RBBP7: variants seen among roughly 807,000 people sequenced by gnomAD.
RBBP7 encodes the protein histone-binding protein RBBP7.
A neutral mutation model predicts 35.2 loss-of-function variants in RBBP7; 5 were observed. The observed-to-expected ratio is 0.14, with a 90% CI of 0.07 to 0.30. The LOEUF (loss-of-function observed/expected upper bound fraction) is 0.30, where lower values mean the gene tolerates loss of function less well. Ranked by LOEUF, RBBP7 falls within the 10% of genes least tolerant of loss-of-function variation. The pLI, the probability that RBBP7 is intolerant of heterozygous loss-of-function variation, is 1.00. For synonymous variants in RBBP7, 140 were observed against 118.7 expected, an observed-to-expected ratio of 1.18 and a Z score of -1.17; for missense variants, 155 against 327.5, an observed-to-expected ratio of 0.47 and a Z score of 4.07.
intron 4 of RBBP7, 83 bp downstream of exon 4, chrX:16,858,593 G>A (rs1463480362): frequency 1.8e-6 from 2 of 1,134,419 alleles, no homozygotes; most frequent in African/African-American, 1.8e-5. Flanking sequence ...ATATTATAAA[G>A]TATGCTACTT....
intron 2 of RBBP7, among the ~76,000 whole-genome samples, chrX:16,864,663 G>A (rs938784382): frequency 9.1e-6 from 1 of 109,977 alleles, no homozygotes. Context: ...TGTATGTAGG[G>A]GGCAATGCAC....
chrX:16,869,820 C>A (rs1298738575), intron 1 of RBBP7: 10 of 901,909 alleles, frequency 1.1e-5, no homozygotes, highest in Non-Finnish European at 1.4e-5. Flanking sequence ...AGAGGGGGGC[C>A]CAGCCCTCGG....
intron 4 of RBBP7, among the ~76,000 whole-genome samples, chrX:16,858,393 AG>A (rs773942157): frequency 1.8e-5 from 2 of 111,754 alleles, no homozygotes; most frequent in African/African-American, 6.5e-5. Flanking sequence ...CTGGATGGGA[AG>A]GACTCAGACG....
intron 2 of RBBP7, among the ~76,000 whole-genome samples, chrX:16,864,262 G>A (rs773661387): frequency 9.0e-6 from 1 of 110,998 alleles, no homozygotes; most frequent in South Asian, 3.8e-4. Flanking sequence ...GCTCACGCCT[G>A]TAATCCCAGC....
intron 10 of RBBP7, chrX:16,846,180 G>A (rs5969728): frequency 0.48 from 147,002 of 306,166 alleles, 29,292 homozygotes; most frequent in East Asian, 0.89. Flanking sequence ...TTCACCAAGT[G>A]ATACTAGCAT....
chrX:16,858,555 A>T, intron 4 of RBBP7, 121 bp downstream of exon 4: 1 of 1,041,877 alleles, frequency 9.6e-7, no homozygotes, highest in Non-Finnish European at 1.3e-6. Context: ...TGGTTATGGG[A>T]CCCCCAAAGC....
At position 16,845,774 on chromosome X, in the gene RBBP7, G is replaced by C; in HGVS notation, c.1209+54C>G. ...GAAATAACTTTATTACATTATGTAA[G>C]TAGTAAATCTCTCCTTTACAAGACA... On this transcript the variant is annotated intron_variant, in intron 11 of 11. Coordinates refer to ENST00000380087, the MANE Select transcript of RBBP7 (RefSeq NM_002893.4). 2.6e-6 allele frequency: 3 copies of C among 1,166,993 alleles called. No individual in the cohort carries two copies. The South Asian group carries it at 6.0e-5, about 23-fold the overall frequency.
chrX:16,857,691 T>C lies in RBBP7; in HGVS notation c.500A>G (p.Asn167Ser). 2 of 1,197,919 alleles carry C rather than the reference T, an allele frequency of 1.7e-6. No individual in the cohort carries two copies. Among genetic ancestry groups the C allele is most frequent in the Non-Finnish European group, 2.2e-6 (2 of 891,589 alleles). The change falls in exon 5 of 12, where the codon AAT becomes AGT. Residue 167 changes from asparagine to serine, a missense_variant. Around this residue, in one of 3 missense-constraint regions of RBBP7, gnomAD observed 79 missense variants for 220.8 expected, o/e 0.36. Transcript: ENST00000380087. ...GTGACCTCTTAATCTGAGATCAGGA[T>C]TACATTCTCCACTTGGGTCTAAGAA... ...PAKPDPSGECNPDLRLRGHQK... is the reference protein window; with the variant it reads ...PAKPDPSGECSPDLRLRGHQK...
At chrX:16,864,659 T>C (rs1047226056) in intron 2 of RBBP7, among the ~76,000 whole-genome samples, 4 of 110,498 alleles carry the variant, frequency 3.6e-5, no homozygotes, top group African/African-American at 1.3e-4. Context: ...TATATGTATG[T>C]AGGGGGCAAT....
chrX:16,861,228 T>C (rs1306306956), intron 3 of RBBP7, among the ~76,000 whole-genome samples: 1 of 112,552 alleles, frequency 8.9e-6, no homozygotes, highest in African/African-American at 3.2e-5. Flanking sequence ...AAATAATGCA[T>C]ACAGTTGTCG....
At position 16,870,003 on chromosome X, in the gene RBBP7, G is replaced by C. The variant is rs1215591912; in HGVS notation, c.16+35C>G. On this transcript the variant is annotated intron_variant, in intron 1 of 11. Transcript: ENST00000380087. The stretch of plus-strand genomic sequence containing the variant: ...GCCTCGCGCGCCCGCCGCCCCCCGC[G>C]GCCCCGGCGCGCGCCGCCCCGCAGG... The C allele has an allele frequency of 3.8e-6, 3 of 786,239 alleles. No homozygotes were observed. In the African/African-American group the frequency reaches 7.0e-5, roughly 18 times the overall value. The allele number at this position is 786,239 out of a possible 1,213,427, so 64.8% of individuals were successfully genotyped here.
At chrX:16,869,943 A>C in intron 1 of RBBP7, 95 bp downstream of exon 1, 1 of 751,978 alleles carries the variant, frequency 1.3e-6, no homozygotes, top group Non-Finnish European at 1.6e-6. Flanking sequence ...CCTGCTCCGC[A>C]CGCCAATTCG....
At chrX:16,858,906 C>A in intron 3 of RBBP7, 57 bp from the exon 4 acceptor site, 1 of 1,174,265 alleles carries the variant, frequency 8.5e-7, no homozygotes, top group South Asian at 1.9e-5. Context: ...ATTCACAAAT[C>A]ACTTAGTTCA....
At chrX:16,847,006 A>C (rs1354075506) in intron 10 of RBBP7, 2 of 111,106 alleles carry the variant, frequency 1.8e-5, no homozygotes, top group Non-Finnish European at 3.8e-5. Flanking sequence ...GGGTGTGCCC[A>C]TAGTCCCAGC....
intron 2 of RBBP7, among the ~76,000 whole-genome samples, chrX:16,866,960 TTTAA>T (rs1285287819): frequency 1.8e-5 from 2 of 112,034 alleles, no homozygotes; most frequent in Non-Finnish European, 3.8e-5. Context: ...CATTAAATAA[TTTAA>T]TTAAAGCATT....
chrX:16,847,077 TA>T (rs1930096897), intron 10 of RBBP7: 1 of 110,473 alleles, frequency 9.1e-6, no homozygotes, highest in Non-Finnish European at 1.9e-5. Flanking sequence ...TGCAGTGAAC[TA>T]AGACTGCGCC....
chrX:16,858,643 C>T lies in RBBP7; in HGVS notation c.481+33G>A, dbSNP rs771522567. 4.2e-6 allele frequency: 5 copies of T among 1,189,099 alleles called. No homozygotes were observed. In the African/African-American group the frequency reaches 8.9e-5, roughly 21 times the overall value. On this transcript the variant is annotated intron_variant, in intron 4 of 11. Coordinates refer to ENST00000380087, the MANE Select transcript of RBBP7 (RefSeq NM_002893.4). ...TTACCAGTTTGAATCAAGAAAACTG[C>T]TCAAGTAATGACCTAACTCTATTAT...
At chrX:16,853,263 C>T (rs1335181529) in intron 6 of RBBP7, 1 of 173,301 alleles carries the variant, frequency 5.8e-6, no homozygotes, top group Non-Finnish European at 1.1e-5. Flanking sequence ...CCTGTGGCCA[C>T]ACCTTGATGA....
Position 16,860,798 on chromosome X carries a change from ACAT to A in RBBP7, c.308-1952_308-1950del, listed in dbSNP as rs1930456902. 5.3e-5 allele frequency among the ~76,000 whole-genome samples: 6 copies of A among 112,288 alleles called. No individual in the cohort carries two copies. The South Asian group carries it at 1.8e-3, about 34-fold the overall frequency. ...GATGTGTAACTTTAATAATATATTAACATCATTATGCAGAGACTGTTAAACTGC... is the reference window on the plus strand; with the variant it reads ...GATGTGTAACTTTAATAATATATTAACATTATGCAGAGACTGTTAAACTGC... On this transcript the variant is annotated intron_variant, in intron 3 of 11. Transcript: ENST00000380087.
Sources: gnomAD v4.1 joint callset for allele counts (sites outside exome capture counted in the v4.1 genomes callset) on GRCh38, gnomAD v4.1.1 for gene constraint, gnomAD v4.1.1 regional missense constraint, MANE v1.5 for transcripts, NCBI Gene and HGNC (gene_info 2026-07-23, HGNC 2026-07-21) for gene names.